The following ASTN2 variants were observed in gnomAD, a reference collection of about 807,000 sequenced individuals.
The protein encoded by ASTN2 is astrotactin-2.
ASTN2 carries 54 observed loss-of-function variants against 139.8 expected under a neutral mutation model. The ratio of observed to expected loss-of-function variants is 0.39; its 90% CI spans 0.31 to 0.48. The LOEUF is 0.48. Ranked by LOEUF, ASTN2 falls within the 20% of genes least tolerant of loss-of-function variation. The probability of loss-of-function intolerance (pLI) is 0.95; values close to 1 mark genes in which losing one functional copy is unlikely to be tolerated. For missense variants in ASTN2, 1,565 were observed against 1,725.1 expected (o/e 0.91, Z 1.64); for synonymous variants, 756 against 719.5 (o/e 1.05, Z -0.81).
intron 11 of ASTN2, among the ~76,000 whole-genome samples, chr9:116,839,884 T>A (rs2416588): frequency 0.34 from 27,040 of 78,792 alleles, 2,922 homozygotes; most frequent in Middle Eastern, 0.43. Flanking sequence ...TATTATTATT[T>A]TTTTTTTTTT....
chr9:116,624,004 G>C (rs983537032), intron 17 of ASTN2, among the ~76,000 whole-genome samples: 1 of 152,142 alleles, frequency 6.6e-6, no homozygotes, highest in African/African-American at 2.4e-5. Flanking sequence ...TGAATAAGTA[G>C]AGGGACCTAA....
intron 21 of ASTN2, among the ~76,000 whole-genome samples, chr9:116,441,769 G>C (rs1468608627): frequency 6.6e-6 from 1 of 152,146 alleles, no homozygotes; most frequent in Admixed American, 6.5e-5. Flanking sequence ...GGACTTATGA[G>C]CCACTGTCAC....
Position 117,415,026 on chromosome 9 carries a change from C to T in ASTN2, c.-88G>A. The T allele has an allele frequency of 1.1e-5, 2 of 183,092 alleles. No individual in the cohort carries two copies. Among genetic ancestry groups the T allele is most frequent in the Non-Finnish European group, 2.2e-5 (2 of 90,400 alleles). 11.3% of individuals were successfully genotyped at this position (183,092 alleles called of 1,614,324 possible). On this transcript the variant is annotated 5_prime_UTR_variant, in exon 1 of 23. Transcript: ENST00000313400. The stretch of plus-strand genomic sequence containing the variant: ...AGGAGGCAGCTGCGGAGACGGCGGA[C>T]GCCGAAGCGAACCAGGACGCCCGAG...
chr9:117,125,135 C>G (rs1245530436), intron 4 of ASTN2, among the ~76,000 whole-genome samples: 1 of 152,180 alleles, frequency 6.6e-6, no homozygotes, highest in Non-Finnish European at 1.5e-5. Context: ...AATACATGCT[C>G]CCTCTTCTTA....
Position 117,141,376 on chromosome 9 carries a change from GGT to G in ASTN2, c.1116_1117del (p.Leu374AlafsTer34), listed in dbSNP as rs1564446199. ...CTTCCCTGCCGATGTGCTGCGCAGG[GGT>G]GGTTGCAGCTGACCGATCTCGATGG... On this transcript the variant is annotated frameshift_variant, in exon 4 of 23. Transcript: ENST00000313400. LOFTEE classifies it high-confidence loss of function. 7.3e-7 allele frequency: 1 copy of G among 1,367,498 alleles called. No homozygotes were observed. The highest frequency in any genetic ancestry group is 1.1e-5 in the South Asian group (1 of 88,040). 84.7% of individuals were successfully genotyped at this position (1,367,498 alleles called of 1,614,324 possible). A position where few individuals can be genotyped will look rare whatever the true frequency, so the allele number is the denominator to read the frequency against.
At chr9:116,528,038 G>A (rs1467184076) in intron 19 of ASTN2, among the ~76,000 whole-genome samples, 3 of 152,206 alleles carry the variant, frequency 2.0e-5, no homozygotes, top group Non-Finnish European at 4.4e-5. Context: ...GTGAGGCACT[G>A]CTACAAAGAT....
chr9:116,446,809 T>C (rs1166742255), intron 20 of ASTN2, among the ~76,000 whole-genome samples: 5 of 152,204 alleles, frequency 3.3e-5, no homozygotes, highest in African/African-American at 9.6e-5. Flanking sequence ...AGATCTTGCA[T>C]ACCTACAGTA....
intron 6 of ASTN2, among the ~76,000 whole-genome samples, chr9:117,023,093 C>A (rs2132618807): frequency 6.6e-6 from 1 of 152,212 alleles, no homozygotes; most frequent in East Asian, 1.9e-4. Flanking sequence ...TCTTCATGAG[C>A]ATTAACTGGC....
At chr9:117,360,650 A>T (rs1310068535) in intron 1 of ASTN2, among the ~76,000 whole-genome samples, 1 of 152,090 alleles carries the variant, frequency 6.6e-6, no homozygotes, top group Non-Finnish European at 1.5e-5. Flanking sequence ...TTCCAAGTTC[A>T]TGACTCCATG....
At chr9:116,498,913 G>C (rs1414252130) in intron 19 of ASTN2, among the ~76,000 whole-genome samples, 1 of 152,094 alleles carries the variant, frequency 6.6e-6, no homozygotes, top group Non-Finnish European at 1.5e-5. Context: ...CTTCACACAC[G>C]AAGAAAAAAG....
intron 1 of ASTN2, among the ~76,000 whole-genome samples, chr9:117,367,363 A>G (rs1291732977): frequency 1.3e-5 from 2 of 152,190 alleles, no homozygotes; most frequent in South Asian, 2.1e-4. Context: ...CTATGGAGCA[A>G]CAGCCAGACC....
chr9:116,728,840 C>A, intron 15 of ASTN2, 152 bp downstream of exon 15: 1 of 636,756 alleles, frequency 1.6e-6, no homozygotes, highest in Non-Finnish European at 2.7e-6. Flanking sequence ...CCTGTCCACC[C>A]ACCCTCCCTA....
At chr9:116,509,955 T>A in intron 19 of ASTN2, among the ~76,000 whole-genome samples, 1 of 152,164 alleles carries the variant, frequency 6.6e-6, no homozygotes, top group East Asian at 1.9e-4. Context: ...ATTCTGTAGG[T>A]TGTCTGTTCA....
intron 16 of ASTN2, among the ~76,000 whole-genome samples, chr9:116,657,568 C>T (rs546720086): frequency 1.4e-4 from 22 of 152,324 alleles, no homozygotes; most frequent in South Asian, 4.1e-4. Flanking sequence ...AGGCCAGACA[C>T]GGTGGCTCAC....
At chr9:116,533,056 T>A (rs988179492) in intron 19 of ASTN2, among the ~76,000 whole-genome samples, 2 of 152,238 alleles carry the variant, frequency 1.3e-5, no homozygotes, top group African/African-American at 4.8e-5. Flanking sequence ...TTTGTAGTTA[T>A]CCTTGAAGAG....
intron 1 of ASTN2, among the ~76,000 whole-genome samples, chr9:117,408,884 C>T (rs906020843): frequency 3.3e-5 from 5 of 152,152 alleles, no homozygotes; most frequent in Admixed American, 2.0e-4. Flanking sequence ...TAAATTTCAT[C>T]GGCTTTGAGA....
chr9:116,574,103 C>T (rs1411214981), intron 19 of ASTN2, among the ~76,000 whole-genome samples: 1 of 152,146 alleles, frequency 6.6e-6, no homozygotes, highest in Admixed American at 6.5e-5. Context: ...GATCAAAGGT[C>T]AGCAACTTTT....
At chr9:117,033,829 A>G (rs1372368871) in intron 6 of ASTN2, among the ~76,000 whole-genome samples, 5 of 152,096 alleles carry the variant, frequency 3.3e-5, no homozygotes, top group Non-Finnish European at 5.9e-5. Context: ...AAATGAGGAT[A>G]CTAAATCCAG....
chr9:116,530,666 G>T (rs1851304960), intron 19 of ASTN2, among the ~76,000 whole-genome samples: 1 of 152,052 alleles, frequency 6.6e-6, no homozygotes, highest in Admixed American at 6.6e-5. Context: ...ATGAATAAAT[G>T]ATAAAATGAA....
Sources: allele counts gnomAD v4.1 joint callset (sites outside exome capture counted in the v4.1 genomes callset), GRCh38; gene constraint gnomAD v4.1.1; transcripts MANE v1.5; gene names NCBI Gene and HGNC (gene_info 2026-07-23, HGNC 2026-07-21).